Variants in CTNNA3 observed in about 807,000 individuals in gnomAD.
The protein encoded by CTNNA3 is catenin alpha 3.
Under a neutral mutation model 95.7 loss-of-function variants are expected in CTNNA3, and 76 were observed. The observed-to-expected ratio is 0.79, with a 90% CI of 0.66 to 0.96. The LOEUF (loss-of-function observed/expected upper bound fraction) is 0.96, where lower values mean the gene tolerates loss of function less well. Among genes scored for constraint, CTNNA3 ranks in the 40% least tolerant of loss-of-function variants. CTNNA3 has a pLI of 0.00. For missense variants in CTNNA3, 1,191 were observed against 1,089.8 expected (o/e 1.09, Z -1.31); for synonymous variants, 431 against 374.4 (o/e 1.15, Z -1.74).
chr10:66,857,413 A>C lies in CTNNA3; in HGVS notation c.1048-81889T>G, dbSNP rs554393979. Among the ~76,000 whole-genome samples, 6 of 151,862 alleles carry C rather than the reference A, an allele frequency of 4.0e-5. No individual in the cohort carries two copies. The South Asian group carries it at 1.2e-3, about 32-fold the overall frequency. On this transcript the variant is annotated intron_variant, in intron 7 of 17. Transcript: ENST00000433211. Reference sequence around the variant, plus strand: ...AATTTTTTTTTTTTGTTCCACATGAACTTTAAAATAGTTTTTTGTAATTCT... The same window carrying C: ...AATTTTTTTTTTTTGTTCCACATGACCTTTAAAATAGTTTTTTGTAATTCT...
intron 9 of CTNNA3, among the ~76,000 whole-genome samples, chr10:66,661,035 A>G (rs12413243): frequency 0.076 from 11,497 of 152,204 alleles, 796 homozygotes; most frequent in East Asian, 0.24. Flanking sequence ...TGCCTCGTAC[A>G]TAGTAAATAC....
intron 14 of CTNNA3, among the ~76,000 whole-genome samples, chr10:66,091,892 C>T (rs772797668): frequency 8.6e-5 from 13 of 151,832 alleles, no homozygotes; most frequent in Non-Finnish European, 1.5e-4. Flanking sequence ...TAGAAGGTTG[C>T]AAAATAATAA....
chr10:66,445,506 A>G (rs2093413371), intron 11 of CTNNA3, among the ~76,000 whole-genome samples: 2 of 152,214 alleles, frequency 1.3e-5, no homozygotes, highest in Admixed American at 6.5e-5. Flanking sequence ...ACTAGAAGGC[A>G]GGATTAAGAA....
intron 9 of CTNNA3, among the ~76,000 whole-genome samples, chr10:66,710,700 C>T (rs577038601): frequency 6.6e-6 from 1 of 151,664 alleles, no homozygotes; most frequent in East Asian, 1.9e-4. Flanking sequence ...CTAAAGTTAT[C>T]TCTGTGATAA....
intron 5 of CTNNA3, among the ~76,000 whole-genome samples, chr10:67,344,595 A>T (rs1255461501): frequency 6.6e-6 from 1 of 151,664 alleles, no homozygotes; most frequent in African/African-American, 2.4e-5. Flanking sequence ...GTGTCTACGA[A>T]TTTTTCCATT....
At chr10:67,151,915 C>T (rs1024985522) in intron 7 of CTNNA3, among the ~76,000 whole-genome samples, 1 of 152,200 alleles carries the variant, frequency 6.6e-6, no homozygotes, top group African/African-American at 2.4e-5. Flanking sequence ...TGTGTCATCC[C>T]CTTTCTGTTG....
chr10:67,610,099 TTGTC>T (rs1321598580), intron 2 of CTNNA3, among the ~76,000 whole-genome samples: 1 of 152,228 alleles, frequency 6.6e-6, no homozygotes, highest in Non-Finnish European at 1.5e-5. Flanking sequence ...ATAAGTATCA[TTGTC>T]TGAAGTGTTC....
chr10:66,256,899 C>T (rs377262058), intron 13 of CTNNA3, among the ~76,000 whole-genome samples: 24 of 152,208 alleles, frequency 1.6e-4, no homozygotes, highest in Middle Eastern at 3.4e-3. Flanking sequence ...AGAAAAGGTT[C>T]CTAACCTCCA....
At chr10:66,366,441 G>C (rs866300437) in intron 12 of CTNNA3, among the ~76,000 whole-genome samples, 2 of 152,022 alleles carry the variant, frequency 1.3e-5, no homozygotes, top group African/African-American at 4.8e-5. Flanking sequence ...AAACCTATTC[G>C]CCAATGCAAT....
At chr10:67,455,384 C>A (rs1476390920) in intron 5 of CTNNA3, among the ~76,000 whole-genome samples, 1 of 151,910 alleles carries the variant, frequency 6.6e-6, no homozygotes, top group Non-Finnish European at 1.5e-5. Flanking sequence ...CGAAGAATTC[C>A]AACTAGTTTA....
At chr10:66,097,254 G>A (rs10822717) in intron 14 of CTNNA3, among the ~76,000 whole-genome samples, 5 of 152,140 alleles carry the variant, frequency 3.3e-5, no homozygotes, top group South Asian at 4.2e-4. Context: ...AAACCAAGTA[G>A]TCCCATATCA....
At chr10:67,124,333 GGTGTGTGTGTGTGT>G (rs141981196) in intron 7 of CTNNA3, among the ~76,000 whole-genome samples, 12 of 141,870 alleles carry the variant, frequency 8.5e-5, no homozygotes, top group African/African-American at 2.4e-4. Flanking sequence ...GTGTGTTAGC[GGTGTGTGTGTGTGT>G]GTGTGTGTGT....
chr10:67,606,745 CA>C, intron 3 of CTNNA3, 111 bp downstream of exon 3: 1 of 849,716 alleles, frequency 1.2e-6, no homozygotes. Flanking sequence ...CACAGCTCTG[CA>C]AAAGACTAAA....
At chr10:67,240,273 G>A (rs1254988985) in intron 5 of CTNNA3, among the ~76,000 whole-genome samples, 1 of 152,224 alleles carries the variant, frequency 6.6e-6, no homozygotes. Flanking sequence ...TCTGTCTCCA[G>A]TCTTCTCTCT....
chr10:66,858,047 T>G (rs767621198), intron 7 of CTNNA3, among the ~76,000 whole-genome samples: 9 of 151,768 alleles, frequency 5.9e-5, no homozygotes, highest in South Asian at 2.1e-4. Flanking sequence ...AGATTTTTTT[T>G]GGGCTGTTAT....
chr10:66,894,684 A>G lies in CTNNA3; in HGVS notation c.1048-119160T>C, dbSNP rs192775186. ...ATTTGTGTGAATGTATATTTTAATTAAGACATTTGCAATTATATTTCTGAT... is the reference window on the plus strand; with the variant it reads ...ATTTGTGTGAATGTATATTTTAATTGAGACATTTGCAATTATATTTCTGAT... On this transcript the variant is annotated intron_variant, in intron 7 of 17. Transcript: ENST00000433211. Among the ~76,000 whole-genome samples the G allele has an allele frequency of 6.2e-4, 95 of 152,194 alleles. 3 individuals are homozygous for G. The East Asian group carries it at 0.017, about 27-fold the overall frequency.
At chr10:67,237,784 A>G (rs1220605222) in intron 5 of CTNNA3, among the ~76,000 whole-genome samples, 2 of 152,174 alleles carry the variant, frequency 1.3e-5, no homozygotes, top group African/African-American at 4.8e-5. Context: ...AAGAACTCTG[A>G]AAGCAACAAG....
chr10:66,346,238 T>TAG (rs1203251107), intron 12 of CTNNA3, among the ~76,000 whole-genome samples: 9 of 16,170 alleles, frequency 5.6e-4, no homozygotes, highest in African/African-American at 2.8e-3. Context: ...TATATATATA[T>TAG]ATATATATAG....
chr10:66,983,320 G>T (rs953820065), intron 7 of CTNNA3, among the ~76,000 whole-genome samples: 7 of 152,098 alleles, frequency 4.6e-5, no homozygotes, highest in Non-Finnish European at 7.4e-5. Context: ...AGACCCTGGT[G>T]CATTATGCCA....
Sources: allele counts gnomAD v4.1 joint callset (sites outside exome capture counted in the v4.1 genomes callset), GRCh38; gene constraint gnomAD v4.1.1; transcripts MANE v1.5; gene names NCBI Gene and HGNC (gene_info 2026-07-23, HGNC 2026-07-21).